LIFR: variants seen among roughly 807,000 people sequenced by gnomAD.
LIFR encodes the protein leukemia inhibitory factor receptor.
LIFR carries 84 observed loss-of-function variants against 122.2 expected under a neutral mutation model. That is an observed-to-expected ratio of 0.69 (90% CI 0.58 to 0.82). The LOEUF (loss-of-function observed/expected upper bound fraction) is 0.82, where lower values mean the gene tolerates loss of function less well. LIFR is among the 40% of genes least tolerant of loss of function. The pLI, the probability that LIFR is intolerant of heterozygous loss-of-function variation, is 0.00. For missense variants in LIFR, 1,294 were observed against 1,311.6 expected, an observed-to-expected ratio of 0.99 and a Z score of 0.21; for synonymous variants, 422 against 434.7, an observed-to-expected ratio of 0.97 and a Z score of 0.36.
In LIFR at chr5:38,592,237, G is replaced by C. The variant is rs1262400034; in HGVS notation, c.-20+3024C>G. On this transcript the variant is annotated intron_variant, in intron 1 of 19. Coordinates refer to the LIFR transcript ENST00000263409. Reference sequence around the variant, plus strand: ...TATGTAACTCTACTCTGTTTTCTGGGAGTATAGAGTTTTAAACAGAAAATT... The same window carrying C: ...TATGTAACTCTACTCTGTTTTCTGGCAGTATAGAGTTTTAAACAGAAAATT... Among the ~76,000 whole-genome samples the C allele has an allele frequency of 2.6e-5, 4 of 152,066 alleles. No homozygotes were observed. In the East Asian group the frequency reaches 7.7e-4, roughly 29 times the overall value.
At chr5:38,551,568 A>G (rs763123849) in intron 1 of LIFR, among the ~76,000 whole-genome samples, 18 of 152,334 alleles carry the variant, frequency 1.2e-4, no homozygotes, top group Middle Eastern at 3.4e-3. Flanking sequence ...CAGTATTCCA[A>G]GGCATTCTCT....
intron 1 of LIFR, among the ~76,000 whole-genome samples, chr5:38,584,628 C>T (rs956770086): frequency 4.6e-5 from 7 of 151,738 alleles, no homozygotes; most frequent in Non-Finnish European, 1.0e-4. Flanking sequence ...AAAAATAGTG[C>T]AAGACCTAAC....
rs1386565924 is a variant in LIFR at position 38,553,646 on chromosome 5, ATATATATATATATATATATATATATATT to A, written c.-20+2660_-20+2687del. Among the ~76,000 whole-genome samples the A allele has an allele frequency of 1.0e-4, 10 of 96,480 alleles. 1 individual carries two copies. Among genetic ancestry groups the A allele is most frequent in the African/African-American group, 3.3e-4 (7 of 21,340 alleles). The allele number at this position is 96,480 out of a possible 152,430, so 63.3% of individuals were successfully genotyped here. A position where few individuals can be genotyped will look rare whatever the true frequency, so the allele number is the denominator to read the frequency against. ...ACTATATATATATATATATATATAT[ATATATATATATATATATATATATATATT>A]ATATGTATGTATATATTTTAAAAGA... is the stretch of plus-strand genomic sequence containing the variant. On this transcript the variant is annotated intron_variant, in intron 1 of 19. Coordinates refer to ENST00000453190, the MANE Select transcript of LIFR (RefSeq NM_001127671.2).
intron 1 of LIFR, among the ~76,000 whole-genome samples, chr5:38,534,776 G>C (rs898427863): frequency 6.6e-6 from 1 of 152,180 alleles, no homozygotes; most frequent in South Asian, 2.1e-4. Context: ...AACCCCCATT[G>C]TAACACAGGG....
chr5:38,578,207 C>CTTTTTTTTTTTTTTTTTTTTTT (rs3079294), intron 1 of LIFR, among the ~76,000 whole-genome samples: 1 of 123,458 alleles, frequency 8.1e-6, no homozygotes. Context: ...TTTTCTTTTT[C>CTTTTTTTTTTTTTTTTTTTTTT]TTTTTTTTTT....
intron 1 of LIFR, among the ~76,000 whole-genome samples, chr5:38,543,299 C>T (rs1006525737): frequency 6.6e-6 from 1 of 152,078 alleles, no homozygotes; most frequent in African/African-American, 2.4e-5. Flanking sequence ...CTCAACCCTC[C>T]AAAGAGGTTT....
At chr5:38,486,080 G>A (rs910717163) in intron 16 of LIFR, 100 bp from the exon 17 acceptor site, 34 of 1,078,786 alleles carry the variant, frequency 3.2e-5, no homozygotes, top group Admixed American at 3.9e-5. Context: ...AGTGGGTCTA[G>A]CTGAGGCCAT....
rs1008874431 is a variant in LIFR, at chr5:38,478,143, T to C, written c.*3452A>G. 2 of 208,514 alleles carry C rather than the reference T, an allele frequency of 9.6e-6. No individual in the cohort carries two copies. The highest frequency in any genetic ancestry group is 2.0e-5 in the Non-Finnish European group (2 of 102,484). The allele number at this position is 208,514 out of a possible 1,614,324, so 12.9% of individuals were successfully genotyped here. On this transcript the variant is annotated 3_prime_UTR_variant, in exon 20 of 20. Transcript: ENST00000453190. ...ATAATTACCCAAATATAAAAAGGACTTGCAATGTTTGTTAAATATGGACGG... is the reference window on the plus strand; with the variant it reads ...ATAATTACCCAAATATAAAAAGGACCTGCAATGTTTGTTAAATATGGACGG...
chr5:38,516,067 T>C (rs1746063151), intron 5 of LIFR, among the ~76,000 whole-genome samples: 1 of 152,154 alleles, frequency 6.6e-6, no homozygotes, highest in African/African-American at 2.4e-5. Context: ...TCTAAAGAAA[T>C]GTGTTCTTTC....
upstream of LIFR, among the ~76,000 whole-genome samples, chr5:38,597,934 G>C (rs140320270): frequency 3.9e-5 from 6 of 152,210 alleles, no homozygotes; most frequent in Non-Finnish European, 7.4e-5. Context: ...TAAGGACATA[G>C]ACAGCATTTC....
intron 1 of LIFR, among the ~76,000 whole-genome samples, chr5:38,562,526 G>A (rs1228843600): frequency 6.6e-6 from 1 of 152,102 alleles, no homozygotes; most frequent in Non-Finnish European, 1.5e-5. Flanking sequence ...TAAGCTAATG[G>A]ATCCCACAAA....
chr5:38,569,287 G>A (rs184339062), intron 1 of LIFR, among the ~76,000 whole-genome samples: 174 of 152,278 alleles, frequency 1.1e-3, no homozygotes, highest in Non-Finnish European at 1.2e-3. Context: ...TTTAGACTCA[G>A]CACAGCATTG....
chr5:38,484,281 T>C (rs112177046), intron 18 of LIFR, among the ~76,000 whole-genome samples: 3,382 of 152,316 alleles, frequency 0.022, 60 homozygotes, highest in Non-Finnish European at 0.033. Flanking sequence ...GCCTATGGTT[T>C]ACTGTCCCTC....
At chr5:38,505,742 G>T (rs1437094267) in intron 9 of LIFR, among the ~76,000 whole-genome samples, 163 bp downstream of exon 9, 1 of 151,954 alleles carries the variant, frequency 6.6e-6, no homozygotes, top group Non-Finnish European at 1.5e-5. Context: ...AGTAAAACTT[G>T]AAATTATACA....
At chr5:38,522,771 T>G (rs964048124) in intron 5 of LIFR, among the ~76,000 whole-genome samples, 4 of 152,214 alleles carry the variant, frequency 2.6e-5, no homozygotes, top group Non-Finnish European at 4.4e-5. Flanking sequence ...TCTATGTACT[T>G]GAGCAACTTG....
chr5:38,528,632 T>C, intron 3 of LIFR, 94 bp downstream of exon 3: 1 of 809,040 alleles, frequency 1.2e-6, no homozygotes, highest in South Asian at 1.4e-5. Flanking sequence ...AAGCAGGAAA[T>C]AACCCTTTAG....
At chr5:38,561,996 A>C (rs1748855343) in intron 1 of LIFR, among the ~76,000 whole-genome samples, 1 of 152,202 alleles carries the variant, frequency 6.6e-6, no homozygotes, top group African/African-American at 2.4e-5. Flanking sequence ...TAAATGGCAC[A>C]GCTGTTAAAG....
chr5:38,528,871 CACACACAGACACACAT>C (rs778675029), intron 2 of LIFR, 31 bp from the exon 3 acceptor site: 118 of 500,566 alleles, frequency 2.4e-4, no homozygotes, highest in East Asian at 3.5e-4. Context: ...CACACACACA[CACACACAGACACACAT>C]AAACACAGAA....
chr5:38,555,595 T>A (rs1748477880), intron 1 of LIFR, among the ~76,000 whole-genome samples: 1 of 152,050 alleles, frequency 6.6e-6, no homozygotes. Context: ...TCCATATAAA[T>A]GCCACTCAAT....
Sources: gnomAD v4.1 joint callset for allele counts (sites outside exome capture counted in the v4.1 genomes callset) on GRCh38, gnomAD v4.1.1 for gene constraint, MANE v1.5 for transcripts, NCBI Gene and HGNC (gene_info 2026-07-23, HGNC 2026-07-21) for gene names.